The following HS6ST3 variants were observed in gnomAD, a reference collection of about 807,000 sequenced individuals.
HS6ST3 encodes the protein heparan-sulfate 6-O-sulfotransferase 3.
Under a neutral mutation model 36.7 loss-of-function variants are expected in HS6ST3, and 12 were observed. That is an observed-to-expected ratio of 0.33 (90% CI 0.21 to 0.53). HS6ST3 has a LOEUF of 0.53. Among genes scored for constraint, HS6ST3 ranks in the 20% least tolerant of loss-of-function variants. HS6ST3 has a pLI of 0.95. For synonymous variants in HS6ST3, 240 were observed against 257.5 expected, an observed-to-expected ratio of 0.93 and a Z score of 0.65; for missense variants, 584 against 640.9, an observed-to-expected ratio of 0.91 and a Z score of 0.96.
intron 1 of HS6ST3, among the ~76,000 whole-genome samples, chr13:96,460,859 A>AG (rs1043601280): frequency 6.6e-6 from 1 of 152,222 alleles, no homozygotes; most frequent in African/African-American, 2.4e-5. Flanking sequence ...GCATATAGTC[A>AG]GGAAGTATAA....
At position 96,835,423 on chromosome 13, in the gene HS6ST3, G is replaced by T. The variant is rs1022548144; in HGVS notation, c.*2225G>T. 2 of 152,164 alleles carry T rather than the reference G, an allele frequency of 1.3e-5. No individual in the cohort carries two copies. The highest frequency in any genetic ancestry group is 4.8e-5 in the African/African-American group (2 of 41,432). 9.4% of individuals were successfully genotyped at this position (152,164 alleles called of 1,614,324 possible). On this transcript the variant is annotated 3_prime_UTR_variant, in exon 2 of 2. Coordinates refer to ENST00000376705, the MANE Select transcript of HS6ST3 (RefSeq NM_153456.4). ...TTGCTTGTTATTTGGTAGAGATTAG[G>T]CTCACAAAATATTTCTCCATTTCCA...
At chr13:96,149,793 ACAGT>A (rs1351122733) in intron 1 of HS6ST3, among the ~76,000 whole-genome samples, 1 of 152,200 alleles carries the variant, frequency 6.6e-6, no homozygotes, top group Non-Finnish European at 1.5e-5. Flanking sequence ...AAGAGCTACA[ACAGT>A]CATTCATTAG....
chr13:96,178,340 T>TGAGGGCTGA (rs1326849620), intron 1 of HS6ST3, among the ~76,000 whole-genome samples: 1 of 152,320 alleles, frequency 6.6e-6, no homozygotes, highest in East Asian at 1.9e-4. Flanking sequence ...TTCTCTGTGA[T>TGAGGGCTGA]GAGGGCTGAC....
At chr13:96,290,400 A>G (rs542354509) in intron 1 of HS6ST3, among the ~76,000 whole-genome samples, 2 of 152,240 alleles carry the variant, frequency 1.3e-5, no homozygotes, top group East Asian at 3.9e-4. Context: ...GCAGAGATAA[A>G]AAGGCCTTTC....
chr13:96,434,025 G>A (rs1214102976), intron 1 of HS6ST3, among the ~76,000 whole-genome samples: 1 of 152,126 alleles, frequency 6.6e-6, no homozygotes, highest in South Asian at 2.1e-4. Flanking sequence ...CTAATACAAG[G>A]GTGTAGAGAG....
At chr13:96,758,175 G>A (rs559607316) in intron 1 of HS6ST3, among the ~76,000 whole-genome samples, 108 of 151,752 alleles carry the variant, frequency 7.1e-4, no homozygotes, top group African/African-American at 2.5e-3. Context: ...TGAAAAGGTG[G>A]ATTTTTAAGA....
chr13:96,276,014 C>T (rs1293980884), intron 1 of HS6ST3, among the ~76,000 whole-genome samples: 3 of 152,096 alleles, frequency 2.0e-5, no homozygotes, highest in African/African-American at 7.2e-5. Context: ...AGGACTTGCC[C>T]TCTGTTCCCA....
chr13:96,417,686 A>G (rs1334212225), intron 1 of HS6ST3, among the ~76,000 whole-genome samples: 2 of 148,562 alleles, frequency 1.3e-5, no homozygotes, highest in South Asian at 2.2e-4. Context: ...CTATATATAC[A>G]TATACCTATA....
At chr13:96,426,297 G>A (rs1286704365) in intron 1 of HS6ST3, among the ~76,000 whole-genome samples, 1 of 152,068 alleles carries the variant, frequency 6.6e-6, no homozygotes, top group East Asian at 1.9e-4. Context: ...AGCTCGTAAA[G>A]CCTATAATTA....
At chr13:96,286,732 T>C (rs1450524968) in intron 1 of HS6ST3, among the ~76,000 whole-genome samples, 1 of 152,140 alleles carries the variant, frequency 6.6e-6, no homozygotes, top group Non-Finnish European at 1.5e-5. Flanking sequence ...TGTGCTTGGC[T>C]CTGTTACCCT....
chr13:96,535,699 G>A (rs1218832221), intron 1 of HS6ST3, among the ~76,000 whole-genome samples: 1 of 152,140 alleles, frequency 6.6e-6, no homozygotes, highest in African/African-American at 2.4e-5. Flanking sequence ...GGGGATGAGA[G>A]GCTGGGAAAA....
chr13:96,404,560 G>A (rs971627422), intron 1 of HS6ST3, among the ~76,000 whole-genome samples: 35 of 152,286 alleles, frequency 2.3e-4, no homozygotes, highest in Non-Finnish European at 3.2e-4. Context: ...GGCAGGAGAG[G>A]AATAGAAGAC....
intron 1 of HS6ST3, among the ~76,000 whole-genome samples, chr13:96,495,490 G>T (rs916017864): frequency 1.3e-4 from 20 of 152,242 alleles, no homozygotes; most frequent in Non-Finnish European, 1.6e-4. Flanking sequence ...TAAGTGGAAA[G>T]AGTTGATGAG....
At chr13:96,746,097 C>G (rs930262992) in intron 1 of HS6ST3, among the ~76,000 whole-genome samples, 2 of 152,018 alleles carry the variant, frequency 1.3e-5, no homozygotes, top group Non-Finnish European at 2.9e-5. Flanking sequence ...GAAACTTGTC[C>G]AGCCCAACTC....
At chr13:96,517,961 A>G (rs2056079132) in intron 1 of HS6ST3, among the ~76,000 whole-genome samples, 1 of 152,320 alleles carries the variant, frequency 6.6e-6, no homozygotes, top group African/African-American at 2.4e-5. Flanking sequence ...ATCAACCTCA[A>G]TGCCCATCAG....
At chr13:96,428,014 CTG>C (rs1686917479) in intron 1 of HS6ST3, among the ~76,000 whole-genome samples, 1 of 152,092 alleles carries the variant, frequency 6.6e-6, no homozygotes, top group African/African-American at 2.4e-5. Flanking sequence ...ATGTTGGTAT[CTG>C]TGGGGTTCTT....
chr13:96,689,599 T>TTTC (rs1874881890), intron 1 of HS6ST3, among the ~76,000 whole-genome samples: 1 of 76,442 alleles, frequency 1.3e-5, no homozygotes, highest in South Asian at 5.7e-4. Context: ...TTTTGCTTTC[T>TTTC]TTCTTTCTTT....
intron 1 of HS6ST3, among the ~76,000 whole-genome samples, chr13:96,821,636 A>G (rs988390807): frequency 6.6e-6 from 1 of 152,224 alleles, no homozygotes; most frequent in African/African-American, 2.4e-5. Flanking sequence ...GGAACATTCC[A>G]TATTTTGAGT....
chr13:96,272,742 A>G (rs560087511), intron 1 of HS6ST3, among the ~76,000 whole-genome samples: 5 of 152,172 alleles, frequency 3.3e-5, no homozygotes, highest in African/African-American at 1.2e-4. Flanking sequence ...GGAACAAGCT[A>G]TATTAAAATT....
Sources: allele counts gnomAD v4.1 joint callset (sites outside exome capture counted in the v4.1 genomes callset), GRCh38; gene constraint gnomAD v4.1.1; transcripts MANE v1.5; gene names NCBI Gene and HGNC (gene_info 2026-07-23, HGNC 2026-07-21).